The following ANTXR2 variants were observed in gnomAD, a reference collection of about 807,000 sequenced individuals.
The protein encoded by ANTXR2 is anthrax toxin receptor 2.
In ANTXR2, 44 loss-of-function variants were observed where a neutral mutation model predicts 73.7. That is an observed-to-expected ratio of 0.60 (90% CI 0.47 to 0.77). The LOEUF is 0.77. ANTXR2 is among the 30% of genes least tolerant of loss of function. ANTXR2 has a pLI of 0.00. For synonymous variants in ANTXR2, 217 were observed against 205.9 expected, an observed-to-expected ratio of 1.05 and a Z score of -0.46; for missense variants, 604 against 592.5, an observed-to-expected ratio of 1.02 and a Z score of -0.20.
chr4:79,996,316 T>G (rs1730722046), intron 12 of ANTXR2, among the ~76,000 whole-genome samples: 3 of 141,828 alleles, frequency 2.1e-5, no homozygotes, highest in Non-Finnish European at 4.7e-5. Flanking sequence ...GACGGATGGA[T>G]ATATGGATGG....
At chr4:80,008,147 T>C (rs1731398104) in intron 12 of ANTXR2, among the ~76,000 whole-genome samples, 1 of 152,152 alleles carries the variant, frequency 6.6e-6, no homozygotes, top group Non-Finnish European at 1.5e-5. Context: ...AGGAAATGAA[T>C]AATTAAATGA....
chr4:80,021,113 C>T (rs1732138810), intron 10 of ANTXR2, among the ~76,000 whole-genome samples: 1 of 141,214 alleles, frequency 7.1e-6, no homozygotes, highest in Admixed American at 7.5e-5. Context: ...CACACCACTG[C>T]ACCCCCAGCC....
intron 12 of ANTXR2, among the ~76,000 whole-genome samples, chr4:79,985,331 CAGAG>C (rs1730092839): frequency 6.8e-6 from 1 of 146,786 alleles, no homozygotes; most frequent in African/African-American, 2.5e-5. Context: ...GCCTGGGCGA[CAGAG>C]AGAGACTCTG....
chr4:79,920,599 G>A (rs986902147), intron 16 of ANTXR2, among the ~76,000 whole-genome samples: 2 of 152,116 alleles, frequency 1.3e-5, no homozygotes, highest in East Asian at 3.9e-4. Flanking sequence ...GGCAAAGGCT[G>A]TGGGGAAAAC....
chr4:80,055,340 A>T lies in ANTXR2; in HGVS notation c.486+20T>A, dbSNP rs1733945410. 6.3e-7 allele frequency: 1 copy of T among 1,592,208 alleles called. No homozygotes were observed. The highest frequency in any genetic ancestry group is 8.6e-7 in the Non-Finnish European group (1 of 1,162,332). On this transcript the variant is annotated intron_variant, in intron 5 of 16. Transcript: ENST00000403729. Reference sequence around the variant, plus strand: ...CGATGTACAGTGGGGTGTAGAGAACAGTCTCAGTTCAATACTCACCTCTTT... The same window carrying T: ...CGATGTACAGTGGGGTGTAGAGAACTGTCTCAGTTCAATACTCACCTCTTT...
At chr4:80,007,721 G>C (rs1003846312) in intron 12 of ANTXR2, among the ~76,000 whole-genome samples, 2 of 152,114 alleles carry the variant, frequency 1.3e-5, no homozygotes, top group African/African-American at 2.4e-5. Flanking sequence ...TAGAGAAAGG[G>C]GGGTATGAGG....
intron 16 of ANTXR2, among the ~76,000 whole-genome samples, chr4:79,960,461 G>C (rs1729101087): frequency 6.6e-6 from 1 of 151,980 alleles, no homozygotes; most frequent in Non-Finnish European, 1.5e-5. Context: ...TAAAATTATT[G>C]TGAAATGGCA....
rs554609233 is a variant in ANTXR2 at position 80,016,994 on chromosome 4, G to A, written c.945+1904C>T. 5.9e-5 allele frequency among the ~76,000 whole-genome samples: 9 copies of A among 152,336 alleles called. No homozygotes were observed. The South Asian group carries it at 6.2e-4, about 11-fold the overall frequency. On this transcript the variant is annotated intron_variant, in intron 11 of 16. Coordinates refer to ENST00000403729, the MANE Select transcript of ANTXR2 (RefSeq NM_058172.6). Reference sequence around the variant, plus strand: ...ACAGAATTGGGCTTGATGTTTCCACGTTTGCTGCTACTCGCAAAGTCTGTT... The same window carrying A: ...ACAGAATTGGGCTTGATGTTTCCACATTTGCTGCTACTCGCAAAGTCTGTT...
At chr4:79,983,852 C>T (rs1337592478) in intron 14 of ANTXR2, 26 bp downstream of exon 14, 1 of 1,535,458 alleles carries the variant, frequency 6.5e-7, no homozygotes, top group Admixed American at 1.7e-5. Context: ...AGATTAGCAG[C>T]TTCTATTTTT....
chr4:79,946,286 C>A (rs1029119816), intron 16 of ANTXR2, among the ~76,000 whole-genome samples: 4 of 152,090 alleles, frequency 2.6e-5, no homozygotes, highest in Admixed American at 2.0e-4. Context: ...TGTGCCTCTG[C>A]AAACAAACTC....
intron 11 of ANTXR2, among the ~76,000 whole-genome samples, chr4:80,009,328 T>A (rs968240078): frequency 2.0e-5 from 3 of 152,212 alleles, no homozygotes; most frequent in African/African-American, 7.2e-5. Flanking sequence ...TTAAGTCACT[T>A]CATGGAAGTC....
At chr4:80,004,697 G>C (rs993362054) in intron 12 of ANTXR2, among the ~76,000 whole-genome samples, 2 of 152,074 alleles carry the variant, frequency 1.3e-5, no homozygotes, top group African/African-American at 4.8e-5. Flanking sequence ...ATAATGTCAA[G>C]ATTTTTAATT....
rs569339926 is a variant in ANTXR2 at position 79,926,627 on chromosome 4, AAACT to A, written c.1429-19164_1429-19161del. 4.6e-5 allele frequency among the ~76,000 whole-genome samples: 7 copies of A among 152,314 alleles called. No individual in the cohort carries two copies. In the South Asian group the frequency reaches 1.2e-3, roughly 27 times the overall value. ...ATCACATCTGTAGGTATTTTTAAATAAACTAAGAAGTCCAACTACATTTCTTACA... is the reference window on the plus strand; with the variant it reads ...ATCACATCTGTAGGTATTTTTAAATAAAGAAGTCCAACTACATTTCTTACA... On this transcript the variant is annotated intron_variant, in intron 16 of 16. Coordinates refer to ENST00000403729, the MANE Select transcript of ANTXR2 (RefSeq NM_058172.6).
chr4:80,006,178 G>A (rs916231974), intron 12 of ANTXR2, among the ~76,000 whole-genome samples: 5 of 151,826 alleles, frequency 3.3e-5, no homozygotes, highest in Admixed American at 6.6e-5. Flanking sequence ...CTTTACACAC[G>A]CCGCTATTAG....
At chr4:80,056,057 A>G (rs751642297) in intron 3 of ANTXR2, 44 bp from the exon 4 acceptor site, 5 of 1,344,760 alleles carry the variant, frequency 3.7e-6, no homozygotes, top group Non-Finnish European at 5.0e-6. Context: ...CAAAGAGCAA[A>G]GGTAACAATA....
intron 7 of ANTXR2, among the ~76,000 whole-genome samples, chr4:80,047,989 A>G (rs72867864): frequency 0.041 from 6,289 of 151,750 alleles, 450 homozygotes; most frequent in African/African-American, 0.14. Flanking sequence ...TCAAATTTAT[A>G]TGAAATCAGG....
chr4:80,063,233 G>T (rs938621984), intron 3 of ANTXR2, among the ~76,000 whole-genome samples: 6 of 152,098 alleles, frequency 3.9e-5, no homozygotes, highest in African/African-American at 1.4e-4. Flanking sequence ...CAGCAAGAGG[G>T]TGAGTAATTT....
At chr4:80,004,217 AAAAAAAATAAAAT>A (rs1045313406) in intron 12 of ANTXR2, among the ~76,000 whole-genome samples, 32 of 151,778 alleles carry the variant, frequency 2.1e-4, no homozygotes, top group African/African-American at 7.5e-4. Context: ...AAAAATTATG[AAAAAAAATAAAAT>A]AAAAAAATAA....
chr4:79,916,064 A>T (rs1727344657), intron 16 of ANTXR2, among the ~76,000 whole-genome samples: 3 of 152,028 alleles, frequency 2.0e-5, no homozygotes, highest in African/African-American at 7.2e-5. Flanking sequence ...TGGCTGAAAA[A>T]TTTACCTTTA....
Sources: allele counts gnomAD v4.1 joint callset (sites outside exome capture counted in the v4.1 genomes callset), GRCh38; gene constraint gnomAD v4.1.1; transcripts MANE v1.5; gene names NCBI Gene and HGNC (gene_info 2026-07-23, HGNC 2026-07-21).